ACKR3: variants seen among roughly 807,000 people sequenced by gnomAD.
The protein encoded by ACKR3 is atypical chemokine receptor 3.
A neutral mutation model predicts 22.4 loss-of-function variants in ACKR3; 6 were observed. The observed-to-expected ratio is 0.27, with a 90% CI of 0.15 to 0.53. ACKR3 has a LOEUF of 0.53. Among genes scored for constraint, ACKR3 ranks in the 20% least tolerant of loss-of-function variants. The probability of loss-of-function intolerance (pLI) is 0.96; values close to 1 mark genes in which losing one functional copy is unlikely to be tolerated. For synonymous variants in ACKR3, 209 were observed against 205.2 expected (o/e 1.02, Z -0.16); for missense variants, 396 against 475.2 (o/e 0.83, Z 1.55).
the ACKR3 span, among the ~76,000 whole-genome samples, chr2:236,539,238 T>TTGTG: frequency 6.7e-6 from 1 of 150,240 alleles, no homozygotes; most frequent in East Asian, 1.9e-4. Flanking sequence ...ATAGACACAT[T>TTGTG]TGTGTGTGTG....
At chr2:236,550,331 C>G in the ACKR3 span, among the ~76,000 whole-genome samples, 1 of 152,246 alleles carries the variant, frequency 6.6e-6, no homozygotes, top group Non-Finnish European at 1.5e-5. The surrounding 1 kb of genome is among the most constrained non-coding windows in gnomAD (Gnocchi z 4.6). Flanking sequence ...GGGTACCCGG[C>G]TGCGCACACA....
chr2:236,563,565 C>T (rs1175942431), upstream of ACKR3, among the ~76,000 whole-genome samples: 1 of 152,186 alleles, frequency 6.6e-6, no homozygotes, highest in South Asian at 2.1e-4. Flanking sequence ...GGCCACATAA[C>T]AGGCCAGAAA....
the ACKR3 span, among the ~76,000 whole-genome samples, chr2:236,538,868 C>T: frequency 2.6e-5 from 4 of 152,182 alleles, no homozygotes; most frequent in Non-Finnish European, 5.9e-5. Context: ...GAGATTGAAA[C>T]TTAGCTGAGC....
chr2:236,556,838 C>T, the ACKR3 span, among the ~76,000 whole-genome samples: 1 of 152,284 alleles, frequency 6.6e-6, no homozygotes, highest in East Asian at 1.9e-4. Context: ...ACAGTGCCCA[C>T]CACCATCCCT....
At chr2:236,572,476 T>C (rs1412643914) in intron 1 of ACKR3, among the ~76,000 whole-genome samples, 1 of 152,224 alleles carries the variant, frequency 6.6e-6, no homozygotes, top group Non-Finnish European at 1.5e-5. Flanking sequence ...AAGCATCTTT[T>C]GCTTTTCCTG....
the ACKR3 span, among the ~76,000 whole-genome samples, chr2:236,559,254 T>C: frequency 6.6e-6 from 1 of 152,198 alleles, no homozygotes; most frequent in African/African-American, 2.4e-5. Context: ...TTTTCTTTTC[T>C]TAAGAAAGCG....
intron 1 of ACKR3, among the ~76,000 whole-genome samples, chr2:236,571,703 C>T (rs947845935): frequency 5.4e-5 from 8 of 149,020 alleles, no homozygotes; most frequent in South Asian, 2.1e-4. Context: ...CATTTTAGGG[C>T]GAGAGCTCCT....
rs1336525572 is a variant in ACKR3, at chr2:236,577,055, G to A, written c.-26-3385G>A. Among the ~76,000 whole-genome samples, 3 of 152,198 alleles carry A rather than the reference G, an allele frequency of 2.0e-5. No homozygotes were observed. The highest frequency in any genetic ancestry group is 7.2e-5 in the African/African-American group (3 of 41,452). On this transcript the variant is annotated intron_variant, in intron 1 of 1. Coordinates refer to ENST00000272928, the MANE Select transcript of ACKR3 (RefSeq NM_020311.3). This position sits in a 1 kb window ranked among gnomAD's most constrained non-coding sequence, Gnocchi z 5.6. The stretch of plus-strand genomic sequence containing the variant: ...CGAGAGGAAAGCAGGTGGTCAGGGT[G>A]TGGGCCTCTGGCTTTGTTTCCTGGC...
At chr2:236,544,555 G>A in the ACKR3 span, among the ~76,000 whole-genome samples, 1 of 152,214 alleles carries the variant, frequency 6.6e-6, no homozygotes, top group Non-Finnish European at 1.5e-5. The surrounding 1 kb of genome is among the most constrained non-coding windows in gnomAD (Gnocchi z 5.0). Context: ...AGGGCTCGTA[G>A]CTTGGGTTGG....
chr2:236,581,671 G>C lies in ACKR3; in HGVS notation c.*117G>C, dbSNP rs937110307. 1 of 1,334,678 alleles carries C rather than the reference G, an allele frequency of 7.5e-7. No homozygotes were observed. The allele number at this position is 1,334,678 out of a possible 1,614,324, so 82.7% of individuals were successfully genotyped here. On this transcript the variant is annotated 3_prime_UTR_variant, in exon 2 of 2. Coordinates refer to ENST00000272928, the MANE Select transcript of ACKR3 (RefSeq NM_020311.3). This position sits in a 1 kb window ranked among gnomAD's most constrained non-coding sequence, Gnocchi z 4.4. Reference sequence around the variant, plus strand: ...GGTCTTGATGCTTGAGTAGAGTGAAGAGGGGAGCACGTGCCCCCTGCATCC... The same window carrying C: ...GGTCTTGATGCTTGAGTAGAGTGAACAGGGGAGCACGTGCCCCCTGCATCC...
At chr2:236,537,235 T>C in the ACKR3 span, among the ~76,000 whole-genome samples, 1 of 152,210 alleles carries the variant, frequency 6.6e-6, no homozygotes, top group South Asian at 2.1e-4. Flanking sequence ...ATGGGATGGC[T>C]GCCACCTGCT....
At chr2:236,572,423 T>A (rs532047723) in intron 1 of ACKR3, among the ~76,000 whole-genome samples, 48 of 152,300 alleles carry the variant, frequency 3.2e-4, no homozygotes, top group African/African-American at 1.1e-3. Flanking sequence ...CCCAGGGCAG[T>A]GTGGGGGACT....
intron 1 of ACKR3, among the ~76,000 whole-genome samples, chr2:236,576,197 G>T (rs887515878): frequency 2.6e-5 from 4 of 152,210 alleles, no homozygotes; most frequent in Non-Finnish European, 5.9e-5. Context: ...GAGGGTGACT[G>T]GTCTAAGTGG....
At chr2:236,572,792 G>A (rs572312866) in intron 1 of ACKR3, among the ~76,000 whole-genome samples, 43 of 152,320 alleles carry the variant, frequency 2.8e-4, no homozygotes, top group Middle Eastern at 3.4e-3. Flanking sequence ...TTCTGGACGT[G>A]GGATTTATTT....
At chr2:236,566,931 T>C (rs1691196601), upstream of ACKR3, among the ~76,000 whole-genome samples, 1 of 142,890 alleles carries the variant, frequency 7.0e-6, no homozygotes, top group Admixed American at 6.8e-5. Context: ...CAAGGAGGAT[T>C]TGCCTGCCTG....
chr2:236,576,502 G>T (rs182105919), intron 1 of ACKR3, among the ~76,000 whole-genome samples: 1 of 152,212 alleles, frequency 6.6e-6, no homozygotes, highest in South Asian at 2.1e-4. Flanking sequence ...AGAACCAGGG[G>T]CCCTGGGTAC....
chr2:236,541,505 C>T, the ACKR3 span, among the ~76,000 whole-genome samples: 2 of 152,172 alleles, frequency 1.3e-5, no homozygotes, highest in Admixed American at 1.3e-4. Flanking sequence ...AAGAAAATCT[C>T]CCAAGGGTCA....
the ACKR3 span, among the ~76,000 whole-genome samples, chr2:236,538,148 G>A: frequency 1.3e-5 from 2 of 151,904 alleles, no homozygotes; most frequent in Admixed American, 6.6e-5. Context: ...TGGGCAGCGT[G>A]GTTAATACTA....
At chr2:236,558,253 G>A in the ACKR3 span, among the ~76,000 whole-genome samples, 4 of 152,148 alleles carry the variant, frequency 2.6e-5, no homozygotes, top group South Asian at 2.1e-4. Context: ...GTAGCCTATG[G>A]GCCGCTGCTA....
Sources: allele counts gnomAD v4.1 joint callset (sites outside exome capture counted in the v4.1 genomes callset), GRCh38; gene constraint gnomAD v4.1.1; non-coding constraint Gnocchi (gnomAD v3.1); transcripts MANE v1.5; gene names NCBI Gene and HGNC (gene_info 2026-07-23, HGNC 2026-07-21).